The following USP15 variants were observed in gnomAD, a reference collection of about 807,000 sequenced individuals.
USP15 encodes ubiquitin specific peptidase 15, also known as ubiquitin carboxyl-terminal hydrolase 15.
In USP15, 18 loss-of-function variants were observed where a neutral mutation model predicts 127.1. That is an observed-to-expected ratio of 0.14 (90% CI 0.10 to 0.21). The LOEUF (loss-of-function observed/expected upper bound fraction) is 0.21, where lower values mean the gene tolerates loss of function less well. USP15 is among the 10% of genes least tolerant of loss of function. The pLI is 1.00. For synonymous variants in USP15, 364 were observed against 393.7 expected, an observed-to-expected ratio of 0.92 and a Z score of 0.89; for missense variants, 805 against 1,159.9, an observed-to-expected ratio of 0.69 and a Z score of 4.44.
In USP15 at chr12:62,415,225, T is replaced by C. The variant is rs1313007990; in HGVS notation, c.*10850T>C. The C allele has an allele frequency of 3.9e-5, 6 of 152,226 alleles. No homozygotes were observed. Among genetic ancestry groups the C allele is most frequent in the African/African-American group, 1.4e-4 (6 of 41,464 alleles). 9.4% of individuals were successfully genotyped at this position (152,226 alleles called of 1,614,324 possible). A position where few individuals can be genotyped will look rare whatever the true frequency, so the allele number is the denominator to read the frequency against. On this transcript the variant is annotated 3_prime_UTR_variant, in exon 22 of 22. Coordinates refer to ENST00000280377, the MANE Select transcript of USP15 (RefSeq NM_001252078.2). ...CCAGGAAGACTGAATGTTTCAGTTT[T>C]AGTGCAAAGGCAGGAAAAGACTGAT...
chr12:62,309,836 A>G (rs1157357768), intron 3 of USP15, among the ~76,000 whole-genome samples: 4 of 151,878 alleles, frequency 2.6e-5, no homozygotes, highest in African/African-American at 9.7e-5. Context: ...TCCATGTATG[A>G]TCTTAAAAAA....
chr12:62,323,356 C>A (rs958495458), intron 5 of USP15, among the ~76,000 whole-genome samples: 1 of 152,056 alleles, frequency 6.6e-6, no homozygotes, highest in East Asian at 1.9e-4. Context: ...TTACTGTTAA[C>A]ATCAATAATA....
rs1178138805 is a variant in USP15, at chr12:62,389,432, A to G, written c.1475A>G (p.Tyr492Cys). The G allele has an allele frequency of 6.2e-7, 1 of 1,607,402 alleles. No homozygotes were observed. Among genetic ancestry groups the G allele is most frequent in the Non-Finnish European group, 8.5e-7 (1 of 1,178,718 alleles). ...ATTACAATTTTTTTTGTTTTTTAGTACAAAGTGGTTGTCCCCAAAATTGGA... is the reference window on the plus strand; with the variant it reads ...ATTACAATTTTTTTTGTTTTTTAGTGCAAAGTGGTTGTCCCCAAAATTGGA... ...RMDPLTKPMQ[Y>C]KVVVPKIGNI... Residue 492 changes from tyrosine to cysteine, a missense_variant and splice_region_variant, in exon 12 of 22, where the codon TAC (tyrosine) becomes TGC (cysteine). Physicochemically the swap from Tyr to Cys is radical, Grantham distance 194 (BLOSUM62 -2). Coordinates refer to ENST00000280377, the MANE Select transcript of USP15 (RefSeq NM_001252078.2).
intron 8 of USP15, among the ~76,000 whole-genome samples, chr12:62,359,091 A>G (rs765577293): frequency 1.4e-4 from 21 of 152,204 alleles, no homozygotes; most frequent in Admixed American, 5.9e-4. Flanking sequence ...TGTATCCCCA[A>G]TATTTAAGTA....
rs1159404197 is a variant in USP15 at position 62,294,236 on chromosome 12, T to C, written c.147T>C (p.Ser49=). The change falls in exon 2 of 22, where the codon AGT becomes AGC. Residue 49 remains serine, a synonymous_variant. Coordinates refer to ENST00000280377, the MANE Select transcript of USP15 (RefSeq NM_001252078.2). The part of the protein sequence containing the change: ...KQWKKYVGFD[S]WDKYQMGDQN... Reference sequence around the variant, plus strand: ...GGAAAAAATATGTTGGCTTTGACAGTTGGGACAAATACCAGATGGGAGATC... The same window carrying C: ...GGAAAAAATATGTTGGCTTTGACAGCTGGGACAAATACCAGATGGGAGATC... 1 of 1,613,714 alleles carries C rather than the reference T, an allele frequency of 6.2e-7. No homozygotes were observed. The highest frequency in any genetic ancestry group is 1.1e-5 in the South Asian group (1 of 91,074).
At chr12:62,327,709 G>A (rs1314202829) in intron 6 of USP15, 2 of 430,100 alleles carry the variant, frequency 4.7e-6, no homozygotes, top group African/African-American at 2.1e-5. Context: ...TTGGCTTTGT[G>A]TGAAAGAAAA....
chr12:62,340,218 G>C (rs1168533600), intron 6 of USP15, among the ~76,000 whole-genome samples: 1 of 152,152 alleles, frequency 6.6e-6, no homozygotes, highest in Non-Finnish European at 1.5e-5. Context: ...ATTTCTGTGG[G>C]ATCAGTGGTG....
intron 8 of USP15, among the ~76,000 whole-genome samples, chr12:62,356,273 A>T (rs996589922): frequency 6.6e-6 from 1 of 151,562 alleles, no homozygotes; most frequent in African/African-American, 2.4e-5. Flanking sequence ...CTCTATTCTT[A>T]TTTTTTTGTT....
chr12:62,391,095 A>G, intron 15 of USP15, 62 bp from the exon 16 acceptor site: 4 of 1,503,972 alleles, frequency 2.7e-6, no homozygotes, highest in Non-Finnish European at 2.7e-6. Flanking sequence ...AGGATTAATA[A>G]TATTAATAAT....
rs2066092682 is a variant in USP15 at position 62,355,423 on chromosome 12, T to C, written c.863T>C (p.Leu288Pro). ...EPGRNNEQPG[L>P]CGLSNLGNTC... The stretch of plus-strand genomic sequence containing the variant: ...GGAAGAAACAATGAACAGCCAGGCC[T>C]CTGTGGCCTAAGTAACTTGGGAAAT... Residue 288 changes from leucine (L) to proline (P), a missense_variant, in exon 8 of 22, where the codon CTC (leucine) becomes CCC (proline). Coordinates refer to ENST00000280377, the MANE Select transcript of USP15 (RefSeq NM_001252078.2). 2 of 1,610,534 alleles carry C rather than the reference T, an allele frequency of 1.2e-6. No homozygotes were observed. Among genetic ancestry groups the C allele is most frequent in the Non-Finnish European group, 1.7e-6 (2 of 1,177,966 alleles).
intron 6 of USP15, among the ~76,000 whole-genome samples, chr12:62,339,988 C>A (rs897881339): frequency 6.6e-6 from 1 of 152,056 alleles, no homozygotes; most frequent in African/African-American, 2.4e-5. Context: ...ACCTCTGGTA[C>A]AATTTGGCTG....
At chr12:62,384,327 GTTTT>G (rs58138194) in intron 11 of USP15, 25 bp downstream of exon 11, 34,514 of 1,040,538 alleles carry the variant, frequency 0.033, 11 homozygotes, top group South Asian at 0.037. Context: ...GGTTTGTTTT[GTTTT>G]TTTTTTTTTT....
intron 4 of USP15, among the ~76,000 whole-genome samples, chr12:62,319,722 T>A (rs1434007878): frequency 6.6e-6 from 1 of 152,184 alleles, no homozygotes; most frequent in Non-Finnish European, 1.5e-5. Context: ...ATTTCCACAT[T>A]TGTTTATAAC....
At chr12:62,355,140 A>G (rs142145827) in intron 7 of USP15, 191 bp from the exon 8 acceptor site, 134 of 472,258 alleles carry the variant, frequency 2.8e-4, no homozygotes, top group African/African-American at 2.4e-3. Flanking sequence ...TGTTGATTGG[A>G]TAAGGAGTAT....
chr12:62,290,664 C>T (rs778002751), intron 1 of USP15, among the ~76,000 whole-genome samples: 3 of 152,140 alleles, frequency 2.0e-5, no homozygotes, highest in Non-Finnish European at 4.4e-5. Flanking sequence ...ATTGTTATCA[C>T]ATTGCTTTGT....
At chr12:62,370,317 T>G (rs1274725494) in intron 8 of USP15, among the ~76,000 whole-genome samples, 1 of 152,106 alleles carries the variant, frequency 6.6e-6, no homozygotes, top group African/African-American at 2.4e-5. Context: ...ATCTGGGAAG[T>G]AGAGTGAGGG....
At chr12:62,323,299 T>C (rs1200136545) in intron 5 of USP15, among the ~76,000 whole-genome samples, 2 of 152,190 alleles carry the variant, frequency 1.3e-5, no homozygotes, top group East Asian at 3.8e-4. Flanking sequence ...GAACCTAACA[T>C]GCCCGGTGCT....
At chr12:62,313,759 C>A (rs562842348) in intron 3 of USP15, among the ~76,000 whole-genome samples, 1 of 151,584 alleles carries the variant, frequency 6.6e-6, no homozygotes, top group Non-Finnish European at 1.5e-5. Context: ...AAAATTGTAA[C>A]AAGTATGATT....
chr12:62,381,262 G>A (rs968734839), intron 8 of USP15, among the ~76,000 whole-genome samples: 13 of 151,904 alleles, frequency 8.6e-5, no homozygotes, highest in African/African-American at 2.4e-4. Context: ...TTACAGCAGC[G>A]GATATTAGCA....
Sources: gnomAD v4.1 joint callset for allele counts (sites outside exome capture counted in the v4.1 genomes callset) on GRCh38, gnomAD v4.1.1 for gene constraint, MANE v1.5 for transcripts, NCBI Gene and HGNC (gene_info 2026-07-23, HGNC 2026-07-21) for gene names.